The following GLIS3 variants were observed in gnomAD, a reference collection of about 807,000 sequenced individuals.
GLIS3 encodes the protein GLIS family zinc finger 3.
GLIS3 carries 53 observed loss-of-function variants against 78.6 expected under a neutral mutation model. The observed-to-expected ratio is 0.67, with a 90% CI of 0.54 to 0.85. The LOEUF (loss-of-function observed/expected upper bound fraction) is 0.85, where lower values mean the gene tolerates loss of function less well. Among genes scored for constraint, GLIS3 ranks in the 40% least tolerant of loss-of-function variants. The pLI is 0.00. For missense variants in GLIS3, 1,703 were observed against 1,231.1 expected (o/e 1.38, Z -5.74); for synonymous variants, 684 against 509.9 (o/e 1.34, Z -4.60).
At chr9:4,405,984 A>C in the GLIS3 span, among the ~76,000 whole-genome samples, 2 of 152,266 alleles carry the variant, frequency 1.3e-5, no homozygotes, top group African/African-American at 4.8e-5. Context: ...ATTTCAATGG[A>C]TGCTGAAAAA....
intron 8 of GLIS3, among the ~76,000 whole-genome samples, chr9:3,858,295 C>A (rs1369742156): frequency 6.6e-6 from 1 of 151,880 alleles, no homozygotes; most frequent in Non-Finnish European, 1.5e-5. Context: ...TATCTAGATC[C>A]TATATATATA....
chr9:4,046,218 T>A (rs772857857), intron 4 of GLIS3, among the ~76,000 whole-genome samples: 12 of 152,182 alleles, frequency 7.9e-5, no homozygotes, highest in Non-Finnish European at 1.8e-4. Context: ...TAAGAGAGGA[T>A]TCTAGTAGCT....
intron 9 of GLIS3, among the ~76,000 whole-genome samples, chr9:3,842,327 T>G (rs1231918522): frequency 6.6e-6 from 1 of 152,064 alleles, no homozygotes; most frequent in Non-Finnish European, 1.5e-5. Context: ...CAAAAATTAG[T>G]CTGGTATGGT....
At chr9:4,168,608 TTAAG>T (rs2131117820) in intron 2 of GLIS3, among the ~76,000 whole-genome samples, 1 of 151,738 alleles carries the variant, frequency 6.6e-6, no homozygotes, top group African/African-American at 2.4e-5. Context: ...ACTCATATTA[TTAAG>T]TAATAAAAAC....
intron 2 of GLIS3, among the ~76,000 whole-genome samples, chr9:4,196,294 G>C (rs1481725704): frequency 6.6e-6 from 1 of 152,080 alleles, no homozygotes; most frequent in East Asian, 1.9e-4. Context: ...CTGTAAAATG[G>C]ACCAATCAGC....
At chr9:4,412,259 A>T in the GLIS3 span, among the ~76,000 whole-genome samples, 2 of 152,224 alleles carry the variant, frequency 1.3e-5, no homozygotes, top group Non-Finnish European at 2.9e-5. Context: ...CGAGAGGTGA[A>T]CAATGTGACT....
At chr9:3,880,232 C>T (rs1229621207) in intron 7 of GLIS3, among the ~76,000 whole-genome samples, 1 of 152,212 alleles carries the variant, frequency 6.6e-6, no homozygotes, top group South Asian at 2.1e-4. Context: ...AACACAGCTT[C>T]GGGATCTCCC....
rs368465708 is a variant in GLIS3 at position 4,205,439 on chromosome 9, C to A, written c.389-79498G>T. On this transcript the variant is annotated intron_variant, in intron 2 of 10. Coordinates refer to ENST00000381971, the MANE Select transcript of GLIS3 (RefSeq NM_001042413.2). ...GACCTGAAGCAGAGACAATGGGATACAAGGAGATATGTTCTGGGGATTCTG... is the reference window on the plus strand; with the variant it reads ...GACCTGAAGCAGAGACAATGGGATAAAAGGAGATATGTTCTGGGGATTCTG... Among the ~76,000 whole-genome samples, 24 of 152,242 alleles carry A rather than the reference C, an allele frequency of 1.6e-4. No individual in the cohort carries two copies. The South Asian group carries it at 5.0e-3, about 32-fold the overall frequency.
At chr9:3,932,258 A>C (rs1825668025) in intron 6 of GLIS3, 102 bp downstream of exon 6, 3 of 864,066 alleles carry the variant, frequency 3.5e-6, no homozygotes, top group Non-Finnish European at 2.0e-6. Flanking sequence ...AGGTTATACC[A>C]TGAGAAGTAT....
At chr9:3,900,202 AG>A (rs1228248179) in intron 6 of GLIS3, among the ~76,000 whole-genome samples, 3 of 149,868 alleles carry the variant, frequency 2.0e-5, no homozygotes, top group African/African-American at 7.3e-5. Context: ...AAAAAAAAAA[AG>A]GAGAAACAGA....
At chr9:4,030,233 T>C (rs1823715201) in intron 4 of GLIS3, among the ~76,000 whole-genome samples, 1 of 152,194 alleles carries the variant, frequency 6.6e-6, no homozygotes, top group African/African-American at 2.4e-5. Flanking sequence ...CTGTTTGCCA[T>C]TTGTATGTCT....
intron 2 of GLIS3, among the ~76,000 whole-genome samples, chr9:4,324,228 A>G (rs1280548507): frequency 2.0e-5 from 3 of 152,234 alleles, no homozygotes; most frequent in South Asian, 2.1e-4. Context: ...AATGGGCTAC[A>G]TAAAACTTGG....
chr9:4,144,960 T>C (rs948929204), intron 2 of GLIS3: 5 of 152,350 alleles, frequency 3.3e-5, no homozygotes, highest in African/African-American at 1.2e-4. Context: ...GAAAAACCAA[T>C]AGCTGTCAGC....
rs577034366 is a variant in GLIS3, at chr9:4,148,471, C to T, written c.389-22530G>A. Among the ~76,000 whole-genome samples, 60 of 152,256 alleles carry T rather than the reference C, an allele frequency of 3.9e-4. 1 individual carries two copies. The South Asian group carries it at 5.8e-3, about 15-fold the overall frequency. Reference sequence around the variant, plus strand: ...TTCCTCCAATGCCAGGTTTACAGTGCTCTATTCCTCCTCTAAACTCCCACA... The same window carrying T: ...TTCCTCCAATGCCAGGTTTACAGTGTTCTATTCCTCCTCTAAACTCCCACA... On this transcript the variant is annotated intron_variant, in intron 2 of 10. Transcript: ENST00000381971.
chr9:4,167,758 C>G (rs147209530), intron 2 of GLIS3, among the ~76,000 whole-genome samples: 161 of 152,334 alleles, frequency 1.1e-3, no homozygotes, highest in African/African-American at 3.8e-3. Context: ...CTTTCATATA[C>G]TTTTCTGCAA....
chr9:4,040,213 T>C (rs745606501), intron 4 of GLIS3, among the ~76,000 whole-genome samples: 7 of 152,190 alleles, frequency 4.6e-5, no homozygotes, highest in Non-Finnish European at 1.0e-4. Flanking sequence ...AGCCTTGGTC[T>C]TCAAAGGGTT....
intron 4 of GLIS3, among the ~76,000 whole-genome samples, chr9:3,967,627 T>A (rs965584981): frequency 1.3e-5 from 2 of 152,224 alleles, no homozygotes; most frequent in Non-Finnish European, 2.9e-5. Flanking sequence ...AATCCTCGGT[T>A]ATAATACATC....
At chr9:4,140,962 C>G (rs1332879637) in intron 2 of GLIS3, among the ~76,000 whole-genome samples, 1 of 152,126 alleles carries the variant, frequency 6.6e-6, no homozygotes, top group South Asian at 2.1e-4. Flanking sequence ...CCACGCTCAG[C>G]TAATTTTTTG....
chr9:4,360,957 G>C, the GLIS3 span, among the ~76,000 whole-genome samples: 7 of 152,208 alleles, frequency 4.6e-5, no homozygotes, highest in African/African-American at 7.2e-5. Context: ...CCTCCAAATA[G>C]CCTTGACCTC....
Sources: gnomAD v4.1 joint callset for allele counts (sites outside exome capture counted in the v4.1 genomes callset) on GRCh38, gnomAD v4.1.1 for gene constraint, MANE v1.5 for transcripts, NCBI Gene and HGNC (gene_info 2026-07-23, HGNC 2026-07-21) for gene names.